The following TFB1M variants were observed in gnomAD, a reference collection of about 807,000 sequenced individuals.
TFB1M encodes the protein dimethyladenosine transferase 1, mitochondrial.
Under a neutral mutation model 31.1 loss-of-function variants are expected in TFB1M, and 27 were observed. The observed-to-expected ratio is 0.87, with a 90% confidence interval of 0.64 to 1.20. TFB1M has a LOEUF of 1.20. Among genes scored for constraint, TFB1M ranks in the 50% most tolerant of loss-of-function variants. The probability of loss-of-function intolerance (pLI) is 0.00; values close to 1 mark genes in which losing one functional copy is unlikely to be tolerated. For missense variants in TFB1M, 394 were observed against 418.7 expected (o/e 0.94, Z 0.51); for synonymous variants, 166 against 151.8 (o/e 1.09, Z -0.69).
the TFB1M span, among the ~76,000 whole-genome samples, chr6:155,247,371 T>G: frequency 6.6e-6 from 1 of 152,122 alleles, no homozygotes; most frequent in Non-Finnish European, 1.5e-5. Flanking sequence ...CTTTGTTGCC[T>G]AGGCTGGAGT....
the TFB1M span, chr6:155,249,935 A>G: frequency 5.4e-5 from 87 of 1,614,134 alleles, no homozygotes; most frequent in East Asian, 1.9e-3. Context: ...GTGTTTGACC[A>G]GCTAGTAGCT....
At chr6:155,308,689 T>G (rs1777890755) in intron 2 of TFB1M, among the ~76,000 whole-genome samples, 1 of 152,220 alleles carries the variant, frequency 6.6e-6, no homozygotes, top group South Asian at 2.1e-4. Flanking sequence ...GCACCAGTTT[T>G]TCTTTCCCCT....
intron 2 of TFB1M, among the ~76,000 whole-genome samples, chr6:155,309,210 T>C (rs190893825): frequency 9.2e-5 from 14 of 152,306 alleles, no homozygotes; most frequent in African/African-American, 2.9e-4. Context: ...TACATTTGTG[T>C]ATATATATAC....
chr6:155,243,846 C>CAAAAAAAAAAAAAAA, the TFB1M span, among the ~76,000 whole-genome samples: 6 of 55,050 alleles, frequency 1.1e-4, no homozygotes, highest in African/African-American at 4.0e-4. Flanking sequence ...GACTCCGTCT[C>CAAAAAAAAAAAAAAA]AAAAAAAAAA....
At chr6:155,242,588 G>A in the TFB1M span, among the ~76,000 whole-genome samples, 1 of 152,206 alleles carries the variant, frequency 6.6e-6, no homozygotes, top group Non-Finnish European at 1.5e-5. Context: ...AAAGCTCTGG[G>A]TCTTAGGTTC....
chr6:155,314,048 T>A, intron 1 of TFB1M: 1 of 1,375,308 alleles, frequency 7.3e-7, no homozygotes, highest in Admixed American at 2.9e-5. Context: ...CTAGGGAGCT[T>A]GGCATTTATG....
At chr6:155,284,811 C>G (rs1776549086) in intron 5 of TFB1M, among the ~76,000 whole-genome samples, 1 of 152,096 alleles carries the variant, frequency 6.6e-6, no homozygotes, top group Non-Finnish European at 1.5e-5. Flanking sequence ...TAACAGAAAA[C>G]ACAAAAGTAT....
rs986450818 is a variant in TFB1M at position 155,298,661 on chromosome 6, C to T, written c.286-76G>A. ...CAAAACTAAACTTTTTAAACCTGTG[C>T]ATTTAAAAAATCAGTTAAAAAAGTC... On this transcript the variant is annotated intron_variant, in intron 2 of 6. Coordinates refer to ENST00000367166, the MANE Select transcript of TFB1M (RefSeq NM_016020.4). 19 of 1,005,746 alleles carry T rather than the reference C, an allele frequency of 1.9e-5. No homozygotes were observed. In the African/African-American group the frequency reaches 2.7e-4, roughly 14 times the overall value. 62.3% of individuals were successfully genotyped at this position (1,005,746 alleles called of 1,614,324 possible).
chr6:155,278,524 A>G (rs566719786), intron 5 of TFB1M, among the ~76,000 whole-genome samples: 1 of 152,192 alleles, frequency 6.6e-6, no homozygotes, highest in South Asian at 2.1e-4. Flanking sequence ...AGTGCTTCCT[A>G]ACACATGCCA....
At chr6:155,241,413 T>C in the TFB1M span, among the ~76,000 whole-genome samples, 4 of 152,288 alleles carry the variant, frequency 2.6e-5, no homozygotes, top group South Asian at 8.3e-4. Context: ...TGCGGTGGGC[T>C]GAGGGTCCAG....
chr6:155,250,394 C>A, the TFB1M span: 2 of 479,054 alleles, frequency 4.2e-6, no homozygotes, highest in Non-Finnish European at 6.8e-6. Context: ...TCCTTTTTAT[C>A]TGATTGCTTA....
chr6:155,249,608 A>G, the TFB1M span, among the ~76,000 whole-genome samples: 1 of 152,232 alleles, frequency 6.6e-6, no homozygotes, highest in Non-Finnish European at 1.5e-5. Flanking sequence ...GTTATTAGTG[A>G]TACTTTTCAC....
At chr6:155,275,914 C>G in intron 5 of TFB1M, 1 of 1,614,108 alleles carries the variant, frequency 6.2e-7, no homozygotes, top group Non-Finnish European at 8.5e-7. Flanking sequence ...TCAGCTGTGC[C>G]CTGAAACACT....
At chr6:155,264,127 G>C (rs1485989743) in intron 5 of TFB1M, 3 of 152,174 alleles carry the variant, frequency 2.0e-5, no homozygotes, top group Non-Finnish European at 4.4e-5. Flanking sequence ...AGGGGCTTGG[G>C]AGAGCCACTT....
chr6:155,275,705 C>G (rs1424748573), intron 5 of TFB1M: 1 of 1,604,330 alleles, frequency 6.2e-7, no homozygotes, highest in African/African-American at 1.3e-5. Flanking sequence ...AGAGGACAGA[C>G]TTAACAGTAA....
In TFB1M at chr6:155,257,508, C is replaced by T; in HGVS notation, c.*328G>A. 1 of 341,838 alleles carries T rather than the reference C, an allele frequency of 2.9e-6. No homozygotes were observed. The highest frequency in any genetic ancestry group is 5.3e-6 in the Non-Finnish European group (1 of 187,648). 21.2% of individuals were successfully genotyped at this position (341,838 alleles called of 1,614,324 possible). A position where few individuals can be genotyped will look rare whatever the true frequency, so the allele number is the denominator to read the frequency against. On this transcript the variant is annotated 3_prime_UTR_variant, in exon 7 of 7. Coordinates refer to ENST00000367166, the MANE Select transcript of TFB1M (RefSeq NM_016020.4). ...TCTTTCAGCTGTTTGTTAGTTTTTG[C>T]TTTATTTAAAGCATATTTAAGTTAT...
intron 4 of TFB1M, among the ~76,000 whole-genome samples, chr6:155,294,744 C>T (rs923951073): frequency 6.6e-5 from 10 of 152,188 alleles, no homozygotes; most frequent in Non-Finnish European, 1.3e-4. Context: ...CAGAGATCAA[C>T]TTAGCATTAT....
chr6:155,314,016 C>A, intron 1 of TFB1M: 2 of 1,098,138 alleles, frequency 1.8e-6, no homozygotes, highest in Non-Finnish European at 2.4e-6. Flanking sequence ...GCGCCTTTCA[C>A]GACCCATGAA....
intron 5 of TFB1M, among the ~76,000 whole-genome samples, chr6:155,269,964 G>A (rs1472369246): frequency 6.6e-6 from 1 of 152,230 alleles, no homozygotes; most frequent in Non-Finnish European, 1.5e-5. Flanking sequence ...ACAGAGAGAA[G>A]TGCTTGCCCT....
Sources: gnomAD v4.1 joint callset for allele counts (sites outside exome capture counted in the v4.1 genomes callset) on GRCh38, gnomAD v4.1.1 for gene constraint, MANE v1.5 for transcripts, NCBI Gene and HGNC (gene_info 2026-07-23, HGNC 2026-07-21) for gene names.